MORN1: variants seen among roughly 807,000 people sequenced by gnomAD.
MORN1 encodes MORN repeat containing 1, also known as MORN repeat-containing protein 1.
Under a neutral mutation model 61.9 loss-of-function variants are expected in MORN1, and 67 were observed. The observed-to-expected ratio is 1.08, with a 90% CI of 0.89 to 1.33. MORN1 has a LOEUF of 1.33. MORN1 is among the 40% of genes most tolerant of loss of function. The pLI, the probability that MORN1 is intolerant of heterozygous loss-of-function variation, is 0.00. For missense variants in MORN1, 752 were observed against 691.2 expected, an observed-to-expected ratio of 1.09 and a Z score of -0.99; for synonymous variants, 301 against 292.0, an observed-to-expected ratio of 1.03 and a Z score of -0.31.
intron 6 of MORN1, among the ~76,000 whole-genome samples, chr1:2,380,145 G>A (rs889142833): frequency 2.0e-5 from 3 of 152,218 alleles, no homozygotes; most frequent in African/African-American, 7.2e-5. Flanking sequence ...TGGCACGAAA[G>A]GACACCACTC....
In MORN1 at chr1:2,322,869, C is replaced by T. The variant is rs559611517; in HGVS notation, c.1297+1228G>A. 6.9e-4 allele frequency: 676 copies of T among 985,354 alleles called. 3 individuals are homozygous for T. Among genetic ancestry groups the T allele is most frequent in the African/African-American group, 5.4e-3 (311 of 57,350 alleles). 61.0% of individuals were successfully genotyped at this position (985,354 alleles called of 1,614,324 possible). A position where few individuals can be genotyped will look rare whatever the true frequency, so the allele number is the denominator to read the frequency against. ...CGTCCCGGCGGATGGGAAGGGTGGG[C>T]GGCAAGGGCTCTGGCTGGTGGCCAC... On this transcript the variant is annotated intron_variant, in intron 13 of 13. Coordinates refer to ENST00000378531, the MANE Select transcript of MORN1 (RefSeq NM_024848.3).
chr1:2,377,879 CG>C (rs1469866494), intron 6 of MORN1: 1 of 152,304 alleles, frequency 6.6e-6, no homozygotes, highest in Non-Finnish European at 1.5e-5. Context: ...CATCAAGAGA[CG>C]GGGCCTTTGC....
intron 10 of MORN1, among the ~76,000 whole-genome samples, chr1:2,349,016 C>G (rs1352343382): frequency 6.6e-6 from 1 of 152,214 alleles, no homozygotes; most frequent in East Asian, 1.9e-4. Flanking sequence ...TGCTGCACCC[C>G]TCAGCACAGG....
chr1:2,374,431 C>T, intron 7 of MORN1, 30 bp downstream of exon 7: 1 of 1,540,176 alleles, frequency 6.5e-7, no homozygotes, highest in Non-Finnish European at 8.8e-7. Flanking sequence ...GTGGACCTCA[C>T]AGTGCCCACA....
intron 12 of MORN1, among the ~76,000 whole-genome samples, chr1:2,325,140 C>CTCCCTCCCTTCCTTCCCTCCCTCCCT (rs1640986882): frequency 1.5e-4 from 1 of 6,696 alleles, no homozygotes; most frequent in Non-Finnish European, 2.5e-4. Context: ...CCTTCCCTCC[C>CTCCCTCCCTTCCTTCCCTCCCTCCCT]TCCCTCCCTT....
chr1:2,326,918 G>A (rs1641037967), intron 12 of MORN1, among the ~76,000 whole-genome samples: 1 of 152,236 alleles, frequency 6.6e-6, no homozygotes, highest in African/African-American at 2.4e-5. Flanking sequence ...GTGTGTGGCT[G>A]TTCTGCAGCG....
At chr1:2,355,288 G>A in intron 10 of MORN1, 1 of 1,446,926 alleles carries the variant, frequency 6.9e-7, no homozygotes, top group Non-Finnish European at 9.1e-7. Context: ...GGCCCCCCGT[G>A]GGCCTGTTGG....
At chr1:2,354,376 G>A (rs999546363) in intron 10 of MORN1, among the ~76,000 whole-genome samples, 3 of 151,806 alleles carry the variant, frequency 2.0e-5, no homozygotes, top group Non-Finnish European at 4.4e-5. Flanking sequence ...ACCAGCCTGG[G>A]CAACATGGCG....
At chr1:2,331,989 C>T (rs1432511337) in intron 12 of MORN1, 1 of 169,098 alleles carries the variant, frequency 5.9e-6, no homozygotes, top group Non-Finnish European at 1.3e-5. Flanking sequence ...CGCCCCTGCG[C>T]CTCTCCCGCC....
chr1:2,322,786 TG>T, intron 13 of MORN1: 1 of 985,382 alleles, frequency 1.0e-6, no homozygotes, highest in South Asian at 4.7e-5. Flanking sequence ...GAGAGCTCAG[TG>T]GGCAGTGGCT....
intron 10 of MORN1, among the ~76,000 whole-genome samples, chr1:2,345,000 C>T (rs1289062025): frequency 5.9e-5 from 9 of 151,854 alleles, no homozygotes; most frequent in Non-Finnish European, 1.0e-4. Context: ...CGGCGTCAGC[C>T]TCCGGGAGGG....
Position 2,372,314 on chromosome 1 carries a change from C to G in MORN1, c.745+167G>C. The G allele has an allele frequency of 6.7e-6, 4 of 595,176 alleles. No individual in the cohort carries two copies. Among genetic ancestry groups the G allele is most frequent in the Non-Finnish European group, 1.2e-5 (4 of 333,270 alleles). The allele number at this position is 595,176 out of a possible 1,614,324, so 36.9% of individuals were successfully genotyped here. On this transcript the variant is annotated intron_variant, in intron 8 of 13. Coordinates refer to ENST00000378531, the MANE Select transcript of MORN1 (RefSeq NM_024848.3). This position sits in a 1 kb window ranked among gnomAD's most constrained non-coding sequence, Gnocchi z 5.4. ...ACACACCCAAGGCTGCCCTGACTGG[C>G]AGGGAAGCTGGCACACCTGCGACCT...
rs749725203 is a variant in MORN1, at chr1:2,357,563, G to A, written c.905C>T (p.Pro302Leu). The part of the protein sequence containing the change: ...FECIPYPVSS[P>L]AAGVPGPRAA... Reference sequence around the variant, plus strand: ...TCTGGGCCCCGGCACCCCAGCTGCGGGGCTGGACACAGGATAAGGGATGCA... The same window carrying A: ...TCTGGGCCCCGGCACCCCAGCTGCGAGGCTGGACACAGGATAAGGGATGCA... The change falls in exon 10 of 14, where the codon CCC becomes CTC. Residue 302 changes from proline to leucine, a missense_variant. Physicochemically the swap from Pro to Leu is moderately conservative, Grantham distance 98. Transcript: ENST00000378531. This position sits in a 1 kb window ranked among gnomAD's most constrained non-coding sequence, Gnocchi z 6.3. 3 of 1,611,294 alleles carry A rather than the reference G, an allele frequency of 1.9e-6. No individual in the cohort carries two copies. In the East Asian group the frequency reaches 6.7e-5, roughly 36 times the overall value.
chr1:2,363,969 A>G (rs115763995), intron 8 of MORN1, among the ~76,000 whole-genome samples: 269 of 152,280 alleles, frequency 1.8e-3, no homozygotes, highest in South Asian at 3.7e-3. Context: ...GTCAATAACC[A>G]TATTAAATGT....
chr1:2,362,706 C>G (rs1051520937), intron 8 of MORN1, among the ~76,000 whole-genome samples: 1 of 151,652 alleles, frequency 6.6e-6, no homozygotes, highest in Non-Finnish European at 1.5e-5. Flanking sequence ...ACTAAAAATA[C>G]AAAAAAAATT....
chr1:2,369,441 G>A (rs1031776599), intron 8 of MORN1, among the ~76,000 whole-genome samples: 4 of 151,858 alleles, frequency 2.6e-5, no homozygotes, highest in South Asian at 2.1e-4. Context: ...CATTGCTGGA[G>A]GTAATGTAAA....
Position 2,388,240 on chromosome 1 carries a change from T to A in MORN1, c.246A>T (p.Ser82=). The A allele has an allele frequency of 6.2e-7, 1 of 1,613,288 alleles. No homozygotes were observed. The highest frequency in any genetic ancestry group is 1.3e-5 in the African/African-American group (1 of 75,044). ...TGEGRRHWAW[S]GDTFSGQFVL... is the part of the protein sequence containing the mutation. ...TGTGCCATCCCAGCTAGAGCTCACC[T>A]GACCAGGCCCAGTGCCGGCGGCCTT... Residue 82 remains serine (S), a splice_region_variant and synonymous_variant, in exon 3 of 14, where the codon TCA becomes TCT. Coordinates refer to ENST00000378531, the MANE Select transcript of MORN1 (RefSeq NM_024848.3).
At chr1:2,391,282 G>C (rs961360550) in intron 1 of MORN1, among the ~76,000 whole-genome samples, 176 bp downstream of exon 1, 2 of 152,190 alleles carry the variant, frequency 1.3e-5, no homozygotes, top group East Asian at 1.9e-4. Context: ...AGCCGAGCCC[G>C]AGGCGCACGG....
intron 8 of MORN1, among the ~76,000 whole-genome samples, chr1:2,359,700 T>C (rs889628825): frequency 4.6e-5 from 7 of 152,200 alleles, no homozygotes; most frequent in African/African-American, 1.7e-4. Context: ...CTGGCCAACA[T>C]GGCGAAACCT....
Sources: allele counts gnomAD v4.1 joint callset (sites outside exome capture counted in the v4.1 genomes callset), GRCh38; gene constraint gnomAD v4.1.1; non-coding constraint Gnocchi (gnomAD v3.1); transcripts MANE v1.5; gene names NCBI Gene and HGNC (gene_info 2026-07-23, HGNC 2026-07-21).